Variants in PHACTR1 observed in about 807,000 individuals in gnomAD.
The protein encoded by PHACTR1 is RPEL repeat containing 1.
Under a neutral mutation model 69.2 loss-of-function variants are expected in PHACTR1, and 16 were observed. That is an observed-to-expected ratio of 0.23 (90% CI 0.16 to 0.35). The LOEUF is 0.35. Ranked by LOEUF, PHACTR1 falls within the 10% of genes least tolerant of loss-of-function variation. The pLI is 1.00. For missense variants in PHACTR1, 510 were observed against 734.7 expected, an observed-to-expected ratio of 0.69 and a Z score of 3.54; for synonymous variants, 312 against 284.5, an observed-to-expected ratio of 1.10 and a Z score of -0.97.
At chr6:12,831,552 C>G (rs1446023430) in intron 4 of PHACTR1, among the ~76,000 whole-genome samples, 2 of 152,090 alleles carry the variant, frequency 1.3e-5, no homozygotes, top group Non-Finnish European at 2.9e-5. Context: ...TGTTTAAATT[C>G]ACATTGCACT....
chr6:13,048,292 C>G lies in PHACTR1; in HGVS notation c.251-5073C>G, dbSNP rs369439606. On this transcript the variant is annotated intron_variant, in intron 4 of 14. Transcript: ENST00000332995. The stretch of plus-strand genomic sequence containing the variant: ...TCAGTCCTGGCAGTTGACATTCAAG[C>G]TGATTCATGTGTGGCTCAGCATTTT... Among the ~76,000 whole-genome samples, 9 of 152,308 alleles carry G rather than the reference C, an allele frequency of 5.9e-5. No homozygotes were observed. The South Asian group carries it at 1.0e-3, about 18-fold the overall frequency.
chr6:13,270,571 G>A (rs1028834599), intron 10 of PHACTR1, among the ~76,000 whole-genome samples: 2 of 152,206 alleles, frequency 1.3e-5, no homozygotes, highest in Non-Finnish European at 2.9e-5. Flanking sequence ...TAGGTGCTCT[G>A]TGATAGGAAC....
chr6:12,836,656 C>A (rs1185854414), intron 4 of PHACTR1, among the ~76,000 whole-genome samples: 1 of 152,150 alleles, frequency 6.6e-6, no homozygotes, highest in Non-Finnish European at 1.5e-5. Flanking sequence ...GCACATTCAG[C>A]ATTAATTGCT....
At chr6:13,063,178 C>G (rs886174774) in intron 5 of PHACTR1, among the ~76,000 whole-genome samples, 1 of 152,134 alleles carries the variant, frequency 6.6e-6, no homozygotes, top group Non-Finnish European at 1.5e-5. Context: ...GAAGTCCATA[C>G]CATTGCAACA....
At chr6:13,101,934 G>C (rs1174620461) in intron 5 of PHACTR1, among the ~76,000 whole-genome samples, 2 of 152,080 alleles carry the variant, frequency 1.3e-5, no homozygotes, top group Non-Finnish European at 2.9e-5. Context: ...AGAATACTGG[G>C]TTTCCCTACA....
At chr6:13,028,707 C>A (rs1270222213) in intron 4 of PHACTR1, among the ~76,000 whole-genome samples, 1 of 152,198 alleles carries the variant, frequency 6.6e-6, no homozygotes, top group Non-Finnish European at 1.5e-5. Flanking sequence ...GCCAGTAGCA[C>A]CCACCTCCCA....
intron 4 of PHACTR1, among the ~76,000 whole-genome samples, chr6:12,785,043 A>G (rs1170054244): frequency 1.3e-5 from 2 of 151,900 alleles, no homozygotes; most frequent in Admixed American, 6.6e-5. Flanking sequence ...TTATACATAT[A>G]TATCTATACA....
intron 5 of PHACTR1, among the ~76,000 whole-genome samples, chr6:13,159,462 G>A (rs1197819158): frequency 6.6e-6 from 1 of 152,196 alleles, no homozygotes; most frequent in African/African-American, 2.4e-5. Flanking sequence ...TGAAACAGCA[G>A]TCCCTCCTGG....
At chr6:12,975,886 A>C (rs1319633494) in intron 4 of PHACTR1, among the ~76,000 whole-genome samples, 1 of 152,218 alleles carries the variant, frequency 6.6e-6, no homozygotes, top group Admixed American at 6.5e-5. Flanking sequence ...TGGTAGGCTG[A>C]ATCTTTCTTT....
At chr6:13,039,037 C>T (rs1317675216) in intron 4 of PHACTR1, among the ~76,000 whole-genome samples, 2 of 152,226 alleles carry the variant, frequency 1.3e-5, no homozygotes, top group Admixed American at 6.5e-5. Context: ...TAATAGGCCA[C>T]ACCTACCCTC....
At chr6:12,812,616 C>T (rs549821730) in intron 4 of PHACTR1, among the ~76,000 whole-genome samples, 7 of 152,332 alleles carry the variant, frequency 4.6e-5, no homozygotes, top group South Asian at 4.1e-4. Context: ...AGCTCGTGAA[C>T]GCCCCTAGCT....
intron 5 of PHACTR1, among the ~76,000 whole-genome samples, chr6:13,122,916 G>C (rs1818949160): frequency 6.6e-6 from 1 of 152,122 alleles, no homozygotes; most frequent in Admixed American, 6.5e-5. Context: ...TTCATTCGAG[G>C]CAGCACATAT....
At chr6:13,153,488 A>G (rs1239361663) in intron 5 of PHACTR1, among the ~76,000 whole-genome samples, 1 of 152,176 alleles carries the variant, frequency 6.6e-6, no homozygotes, top group East Asian at 1.9e-4. Context: ...ATAAAAGCAA[A>G]GCACAATTTG....
intron 4 of PHACTR1, among the ~76,000 whole-genome samples, chr6:12,966,720 A>G (rs1411117108): frequency 6.6e-6 from 1 of 152,120 alleles, no homozygotes; most frequent in East Asian, 1.9e-4. Context: ...ATGATTTGGT[A>G]GCTGAAAAAA....
chr6:12,984,174 G>C (rs1266567169), intron 4 of PHACTR1, among the ~76,000 whole-genome samples: 1 of 152,224 alleles, frequency 6.6e-6, no homozygotes. Flanking sequence ...CAGTGTAAAA[G>C]TGTTCCGATT....
At chr6:12,851,450 G>A (rs558135486) in intron 4 of PHACTR1, among the ~76,000 whole-genome samples, 45 of 152,282 alleles carry the variant, frequency 3.0e-4, no homozygotes, top group African/African-American at 1.0e-3. Flanking sequence ...CTTTCAATCA[G>A]CCAACAGCCT....
At chr6:13,168,014 A>G (rs1450809745) in intron 6 of PHACTR1, among the ~76,000 whole-genome samples, 1 of 152,254 alleles carries the variant, frequency 6.6e-6, no homozygotes, top group Non-Finnish European at 1.5e-5. Context: ...CCAGGTGCAT[A>G]GACTTCTAAA....
intron 4 of PHACTR1, among the ~76,000 whole-genome samples, chr6:12,951,522 C>T (rs571519377): frequency 9.8e-5 from 15 of 152,336 alleles, no homozygotes; most frequent in South Asian, 2.1e-4. Context: ...CTGAGGCTCT[C>T]AGAGGGTAAA....
intron 4 of PHACTR1, among the ~76,000 whole-genome samples, chr6:13,046,665 TAA>T (rs1320726101): frequency 1.3e-5 from 2 of 152,152 alleles, no homozygotes; most frequent in South Asian, 4.1e-4. Context: ...CTCTCTGTGC[TAA>T]AAGAGTCTCT....
Sources: allele counts gnomAD v4.1 joint callset (sites outside exome capture counted in the v4.1 genomes callset), GRCh38; gene constraint gnomAD v4.1.1; transcripts MANE v1.5; gene names NCBI Gene and HGNC (gene_info 2026-07-23, HGNC 2026-07-21).